The following ZNF804B variants were observed in gnomAD, a reference collection of about 807,000 sequenced individuals.
ZNF804B encodes the protein zinc finger 804B.
Under a neutral mutation model 101.4 loss-of-function variants are expected in ZNF804B, and 80 were observed. That is an observed-to-expected ratio of 0.79 (90% CI 0.66 to 0.95). The LOEUF (loss-of-function observed/expected upper bound fraction) is 0.95. Ranked by LOEUF, ZNF804B falls within the 40% of genes least tolerant of loss-of-function variation. ZNF804B has a pLI of 0.00. For synonymous variants in ZNF804B, 622 were observed against 558.8 expected (o/e 1.11, Z -1.59); for missense variants, 1,673 against 1,561.9 (o/e 1.07, Z -1.20).
chr7:89,028,204 G>C (rs1788779804), intron 1 of ZNF804B, among the ~76,000 whole-genome samples: 2 of 152,220 alleles, frequency 1.3e-5, no homozygotes, highest in African/African-American at 4.8e-5. Context: ...ACCCTGAAGT[G>C]AGCATTTTAT....
intron 1 of ZNF804B, among the ~76,000 whole-genome samples, chr7:88,785,788 A>G (rs1326976166): frequency 6.6e-6 from 1 of 152,086 alleles, no homozygotes; most frequent in African/African-American, 2.4e-5. Flanking sequence ...ATAAGTACAT[A>G]AAATCTCCTC....
intron 2 of ZNF804B, among the ~76,000 whole-genome samples, chr7:89,291,002 G>T (rs200067841): frequency 2.6e-5 from 4 of 152,134 alleles, no homozygotes; most frequent in East Asian, 1.9e-4. Flanking sequence ...GTAATCCAGA[G>T]AATTTTTCTA....
chr7:89,321,418 TC>T (rs1223080776), intron 2 of ZNF804B, among the ~76,000 whole-genome samples: 2 of 152,038 alleles, frequency 1.3e-5, no homozygotes, highest in Non-Finnish European at 2.9e-5. Flanking sequence ...GGTGGAGCTT[TC>T]AGTGAGCTGA....
chr7:88,853,522 C>T (rs1285448998), intron 1 of ZNF804B, among the ~76,000 whole-genome samples: 1 of 152,056 alleles, frequency 6.6e-6, no homozygotes, highest in Non-Finnish European at 1.5e-5. Context: ...CTGGATTATG[C>T]TAACATTGAT....
chr7:88,997,596 A>G (rs1227162533), intron 1 of ZNF804B, among the ~76,000 whole-genome samples: 3 of 152,052 alleles, frequency 2.0e-5, no homozygotes, highest in Non-Finnish European at 4.4e-5. Context: ...TGACATCAAC[A>G]TCTGTATTGC....
At chr7:89,010,108 C>T (rs915416685) in intron 1 of ZNF804B, among the ~76,000 whole-genome samples, 1 of 152,074 alleles carries the variant, frequency 6.6e-6, no homozygotes, top group Non-Finnish European at 1.5e-5. Context: ...GACTGTTTCT[C>T]TTATCTTTTC....
intron 1 of ZNF804B, among the ~76,000 whole-genome samples, chr7:88,974,935 T>G (rs891845655): frequency 1.3e-5 from 2 of 151,260 alleles, no homozygotes; most frequent in Non-Finnish European, 3.0e-5. Flanking sequence ...CCCCCTGACT[T>G]TTCCCAGCTT....
intron 1 of ZNF804B, among the ~76,000 whole-genome samples, chr7:89,084,739 A>T (rs1755652615): frequency 6.6e-6 from 1 of 151,982 alleles, no homozygotes; most frequent in Admixed American, 6.6e-5. Context: ...ACACATATTT[A>T]ACTACCTACA....
chr7:89,215,167 A>G lies in ZNF804B; in HGVS notation c.109-2988A>G, dbSNP rs143797458. On this transcript the variant is annotated intron_variant, in intron 1 of 3. Transcript: ENST00000333190. Reference sequence around the variant, plus strand: ...AGGTAAGAAAGATAAGAATATCTGCATAATTTCCTGGCAAGAATAATGAAG... The same window carrying G: ...AGGTAAGAAAGATAAGAATATCTGCGTAATTTCCTGGCAAGAATAATGAAG... 3.6e-3 allele frequency among the ~76,000 whole-genome samples: 547 copies of G among 152,338 alleles called. 7 individuals carry two copies. Among genetic ancestry groups the G allele is most frequent in the African/African-American group, 0.012 (510 of 41,592 alleles).
At chr7:88,936,635 G>A (rs935607695) in intron 1 of ZNF804B, among the ~76,000 whole-genome samples, 1 of 152,076 alleles carries the variant, frequency 6.6e-6, no homozygotes, top group Admixed American at 6.6e-5. Context: ...TTGTGACAAA[G>A]TGTGTCTAGG....
At chr7:89,269,071 T>C (rs1439590717) in intron 2 of ZNF804B, among the ~76,000 whole-genome samples, 1 of 152,104 alleles carries the variant, frequency 6.6e-6, no homozygotes, top group African/African-American at 2.4e-5. Context: ...GTTTTCTTCT[T>C]TGTTTATTAT....
At chr7:89,171,277 ATGCTGCTGC>A (rs55857746) in intron 1 of ZNF804B, among the ~76,000 whole-genome samples, 8,767 of 109,992 alleles carry the variant, frequency 0.08, 512 homozygotes, top group Middle Eastern at 0.14. Flanking sequence ...GGCACAAATA[ATGCTGCTGC>A]TGCTTCTTCT....
intron 1 of ZNF804B, among the ~76,000 whole-genome samples, chr7:89,159,770 A>G (rs765295791): frequency 3.3e-5 from 5 of 152,194 alleles, no homozygotes; most frequent in Admixed American, 1.3e-4. Context: ...GGAAAACATC[A>G]AGGGTAAAAT....
intron 1 of ZNF804B, among the ~76,000 whole-genome samples, chr7:89,034,118 G>A (rs1169557308): frequency 1.3e-5 from 2 of 152,030 alleles, no homozygotes; most frequent in Non-Finnish European, 1.5e-5. Flanking sequence ...GAATTTCAAA[G>A]TTGTTTTATG....
intron 2 of ZNF804B, among the ~76,000 whole-genome samples, chr7:89,218,914 T>C (rs1464167182): frequency 6.6e-6 from 1 of 151,992 alleles, no homozygotes; most frequent in African/African-American, 2.4e-5. Context: ...AGAGGAGGAG[T>C]TGGTCTTGCT....
intron 1 of ZNF804B, among the ~76,000 whole-genome samples, chr7:88,775,171 A>G (rs1790123396): frequency 6.6e-6 from 1 of 152,234 alleles, no homozygotes; most frequent in Non-Finnish European, 1.5e-5. Flanking sequence ...CTGATTCTAA[A>G]GAAGAATAAA....
At chr7:89,299,674 C>T (rs1411362049) in intron 2 of ZNF804B, among the ~76,000 whole-genome samples, 2 of 152,046 alleles carry the variant, frequency 1.3e-5, no homozygotes, top group Admixed American at 6.6e-5. Flanking sequence ...GGATTAAACA[C>T]GTCTGACGTG....
chr7:89,318,404 A>G (rs1209921918), intron 2 of ZNF804B, among the ~76,000 whole-genome samples: 1 of 152,200 alleles, frequency 6.6e-6, no homozygotes, highest in Non-Finnish European at 1.5e-5. Context: ...AAAGGAGAAA[A>G]GATGTACCTT....
intron 1 of ZNF804B, among the ~76,000 whole-genome samples, chr7:89,022,410 G>C (rs1306562853): frequency 1.3e-5 from 2 of 152,176 alleles, no homozygotes; most frequent in African/African-American, 4.8e-5. Context: ...GGACCTTGAT[G>C]AAGGTGGAGA....
Sources: gnomAD v4.1 joint callset for allele counts (sites outside exome capture counted in the v4.1 genomes callset) on GRCh38, gnomAD v4.1.1 for gene constraint, MANE v1.5 for transcripts, NCBI Gene and HGNC (gene_info 2026-07-23, HGNC 2026-07-21) for gene names.